The following PIP4K2A variants were observed in gnomAD, a reference collection of about 807,000 sequenced individuals.
PIP4K2A encodes the protein phosphatidylinositol-5-phosphate 4-kinase type 2 alpha, also known as phosphatidylinositol 5-phosphate 4-kinase type-2 alpha.
In PIP4K2A, 14 loss-of-function variants were observed where a neutral mutation model predicts 42.9. That is an observed-to-expected ratio of 0.33 (90% CI 0.22 to 0.51). The LOEUF (loss-of-function observed/expected upper bound fraction) is 0.51. PIP4K2A is among the 20% of genes least tolerant of loss of function. The pLI, the probability that PIP4K2A is intolerant of heterozygous loss-of-function variation, is 0.97. For synonymous variants in PIP4K2A, 192 were observed against 192.2 expected (o/e 1.00, Z 0.01); for missense variants, 434 against 519.8 (o/e 0.83, Z 1.61).
chr10:22,601,529 C>T (rs542251809), intron 3 of PIP4K2A, among the ~76,000 whole-genome samples: 4 of 152,274 alleles, frequency 2.6e-5, no homozygotes, highest in East Asian at 1.9e-4. Context: ...GAGTTTCCTT[C>T]CAGGGCAGCT....
chr10:22,563,462 T>C (rs970346639), intron 6 of PIP4K2A, among the ~76,000 whole-genome samples: 5 of 152,228 alleles, frequency 3.3e-5, no homozygotes, highest in Non-Finnish European at 5.9e-5. Flanking sequence ...AAACAAATAA[T>C]TTATTTCACT....
At chr10:22,566,348 C>T (rs1051395633) in intron 6 of PIP4K2A, among the ~76,000 whole-genome samples, 4 of 152,056 alleles carry the variant, frequency 2.6e-5, no homozygotes, top group Non-Finnish European at 5.9e-5. Flanking sequence ...GCAGGTTCCC[C>T]GATAACTGAC....
chr10:22,536,079 A>G lies in PIP4K2A; in HGVS notation c.*1122T>C. 2.5e-6 allele frequency: 1 copy of G among 398,600 alleles called. No homozygotes were observed. The highest frequency in any genetic ancestry group is 4.4e-6 in the Non-Finnish European group (1 of 226,034). The allele number at this position is 398,600 out of a possible 1,614,324, so 24.7% of individuals were successfully genotyped here. ...CATCAAATTTTTAGATTCAAAAGATATCCCTGTTTTCCTAATAATGTAAAC... is the reference window on the plus strand; with the variant it reads ...CATCAAATTTTTAGATTCAAAAGATGTCCCTGTTTTCCTAATAATGTAAAC... On this transcript the variant is annotated 3_prime_UTR_variant, in exon 10 of 10. Transcript: ENST00000376573.
chr10:22,545,692 T>C (rs1055691118), intron 7 of PIP4K2A, among the ~76,000 whole-genome samples: 1 of 152,232 alleles, frequency 6.6e-6, no homozygotes, highest in South Asian at 2.1e-4. Flanking sequence ...GCAGTCACAA[T>C]GGGCATTGCA....
At chr10:22,673,136 T>TA (rs1839487786) in intron 1 of PIP4K2A, among the ~76,000 whole-genome samples, 1 of 152,306 alleles carries the variant, frequency 6.6e-6, no homozygotes, top group African/African-American at 2.4e-5. Flanking sequence ...TCCCCATGGT[T>TA]ATGACTTCTA....
intron 1 of PIP4K2A, among the ~76,000 whole-genome samples, chr10:22,611,667 C>G (rs886730728): frequency 6.6e-6 from 1 of 152,158 alleles, no homozygotes; most frequent in African/African-American, 2.4e-5. Flanking sequence ...ACTCAAGCAT[C>G]TTATGATACT....
chr10:22,587,479 G>C (rs1047666231), intron 4 of PIP4K2A, among the ~76,000 whole-genome samples: 3 of 152,196 alleles, frequency 2.0e-5, no homozygotes, highest in African/African-American at 7.2e-5. Context: ...AAGTTTCTTA[G>C]ATACAAACCC....
At chr10:22,681,425 T>G (rs538979881) in intron 1 of PIP4K2A, among the ~76,000 whole-genome samples, 1 of 152,168 alleles carries the variant, frequency 6.6e-6, no homozygotes, top group Non-Finnish European at 1.5e-5. Flanking sequence ...TGTAATCCCA[T>G]CACCTTGAGA....
chr10:22,687,506 G>A (rs1238676193), intron 1 of PIP4K2A, among the ~76,000 whole-genome samples: 1 of 151,944 alleles, frequency 6.6e-6, no homozygotes, highest in Non-Finnish European at 1.5e-5. Flanking sequence ...GGGGATTTTT[G>A]TTAAATAAAT....
intron 1 of PIP4K2A, among the ~76,000 whole-genome samples, chr10:22,637,471 A>G (rs1750769): frequency 0.028 from 4,245 of 152,350 alleles, 80 homozygotes; most frequent in Non-Finnish European, 0.039. Flanking sequence ...GCCTTGGACT[A>G]TGGAAACCTG....
chr10:22,599,631 G>C (rs1837709526), intron 3 of PIP4K2A, among the ~76,000 whole-genome samples: 2 of 152,234 alleles, frequency 1.3e-5, no homozygotes, highest in Non-Finnish European at 2.9e-5. Context: ...CGAACAGTTG[G>C]ACAAACATTC....
chr10:22,695,725 G>A (rs1056070949), intron 1 of PIP4K2A, among the ~76,000 whole-genome samples: 2 of 152,076 alleles, frequency 1.3e-5, no homozygotes, highest in Admixed American at 6.6e-5. Context: ...TATAAAACCT[G>A]CACACATCCT....
At chr10:22,683,468 C>T (rs1839701450) in intron 1 of PIP4K2A, among the ~76,000 whole-genome samples, 1 of 152,180 alleles carries the variant, frequency 6.6e-6, no homozygotes, top group Non-Finnish European at 1.5e-5. Flanking sequence ...GAGTCACTTA[C>T]TCTGATCTGT....
intron 3 of PIP4K2A, among the ~76,000 whole-genome samples, chr10:22,594,699 G>A (rs868681450): frequency 2.6e-5 from 4 of 152,060 alleles, no homozygotes; most frequent in African/African-American, 7.2e-5. Context: ...CATGCCCAGC[G>A]CAACATATGG....
intron 1 of PIP4K2A, among the ~76,000 whole-genome samples, chr10:22,710,747 C>T (rs1399626870): frequency 6.6e-6 from 1 of 152,154 alleles, no homozygotes; most frequent in African/African-American, 2.4e-5. Flanking sequence ...CAGCTTTAAA[C>T]CAAAAGCCTC....
chr10:22,661,247 T>C (rs967149519), intron 1 of PIP4K2A, among the ~76,000 whole-genome samples: 17 of 152,142 alleles, frequency 1.1e-4, no homozygotes, highest in African/African-American at 3.9e-4. Context: ...ATTGATCAGA[T>C]GGAGTTTTCT....
intron 1 of PIP4K2A, among the ~76,000 whole-genome samples, chr10:22,623,538 A>G (rs933369359): frequency 2.0e-5 from 3 of 151,994 alleles, no homozygotes; most frequent in African/African-American, 7.3e-5. Context: ...CCTCAGTCCA[A>G]TGTGAGCGTC....
intron 5 of PIP4K2A, among the ~76,000 whole-genome samples, chr10:22,569,530 C>T (rs538447693): frequency 1.3e-5 from 2 of 152,270 alleles, no homozygotes; most frequent in African/African-American, 2.4e-5. Flanking sequence ...TTTTTCACAA[C>T]GAATGTTCCC....
At chr10:22,681,403 G>C (rs1202980829) in intron 1 of PIP4K2A, among the ~76,000 whole-genome samples, 1 of 152,232 alleles carries the variant, frequency 6.6e-6, no homozygotes, top group Non-Finnish European at 1.5e-5. Context: ...GCCAGACACA[G>C]TGGCTCATGC....
Sources: gnomAD v4.1 joint callset for allele counts (sites outside exome capture counted in the v4.1 genomes callset) on GRCh38, gnomAD v4.1.1 for gene constraint, MANE v1.5 for transcripts, NCBI Gene and HGNC (gene_info 2026-07-23, HGNC 2026-07-21) for gene names.